ANO1: variants seen among roughly 807,000 people sequenced by gnomAD.
ANO1 encodes anoctamin-1.
Under a neutral mutation model 124.0 loss-of-function variants are expected in ANO1, and 59 were observed. That is an observed-to-expected ratio of 0.48 (90% confidence interval 0.39 to 0.59). The LOEUF (loss-of-function observed/expected upper bound fraction) is 0.59. ANO1 is among the 20% of genes least tolerant of loss of function. ANO1 has a pLI of 0.00. For synonymous variants in ANO1, 529 were observed against 532.0 expected, an observed-to-expected ratio of 0.99 and a Z score of 0.08; for missense variants, 1,059 against 1,328.0, an observed-to-expected ratio of 0.80 and a Z score of 3.15.
At chr11:70,173,307 G>A (rs10898827) in intron 22 of ANO1, among the ~76,000 whole-genome samples, 31,258 of 152,108 alleles carry the variant, frequency 0.21, 3,857 homozygotes, top group African/African-American at 0.35. Context: ...TCCTGGGTAA[G>A]AGGTCATGGC....
intron 1 of ANO1, among the ~76,000 whole-genome samples, chr11:70,039,367 C>T (rs1857145680): frequency 6.6e-6 from 1 of 152,150 alleles, no homozygotes; most frequent in African/African-American, 2.4e-5. Context: ...CAGATGAAGA[C>T]CAGGTATGCC....
intron 11 of ANO1, among the ~76,000 whole-genome samples, chr11:70,148,774 T>C (rs757236611): frequency 3.3e-5 from 5 of 152,202 alleles, no homozygotes; most frequent in Admixed American, 6.5e-5. Flanking sequence ...CCCAGGCACC[T>C]CTGGGAACTG....
intron 1 of ANO1, among the ~76,000 whole-genome samples, chr11:70,021,389 T>G (rs1856805439): frequency 6.6e-6 from 1 of 152,132 alleles, no homozygotes; most frequent in South Asian, 2.1e-4. Context: ...ACCTATACTT[T>G]TCACTCCCAC....
At chr11:70,085,506 C>G in intron 1 of ANO1, 1 of 1,536,114 alleles carries the variant, frequency 6.5e-7, no homozygotes, top group Non-Finnish European at 8.7e-7. Flanking sequence ...TTTCAGCCTC[C>G]TGCCGGCACC....
Position 70,140,635 on chromosome 11 carries a change from C to G in ANO1, c.1258+8556C>G, listed in dbSNP as rs1395413720. 2.6e-5 allele frequency among the ~76,000 whole-genome samples: 4 copies of G among 152,042 alleles called. No homozygotes were observed. The East Asian group carries it at 7.7e-4, about 29-fold the overall frequency. On this transcript the variant is annotated intron_variant, in intron 11 of 25. Transcript: ENST00000355303. ...AAAGTAAGAGGAGGACCGTGCCTAC[C>G]CTAGGTACAGTGCTTGTTTATGTAG...
At chr11:70,127,441 G>T (rs562269979) in intron 10 of ANO1, among the ~76,000 whole-genome samples, 2 of 152,310 alleles carry the variant, frequency 1.3e-5, no homozygotes, top group South Asian at 4.1e-4. Context: ...TTCACCAAGG[G>T]TATGTCAGAC....
At chr11:69,976,935 C>T in the ANO1 span, among the ~76,000 whole-genome samples, 13 of 152,318 alleles carry the variant, frequency 8.5e-5, no homozygotes, top group Non-Finnish European at 1.8e-4. Context: ...TTCATCCCCC[C>T]GGGAGATGGC....
At chr11:70,161,802 C>T (rs2048054367) in intron 18 of ANO1, 69 bp downstream of exon 18, 3 of 1,475,912 alleles carry the variant, frequency 2.0e-6, no homozygotes, top group Non-Finnish European at 2.8e-6. Context: ...TCCCTCCCCA[C>T]AGGTTGGGGG....
At chr11:70,080,623 C>T (rs1209460648) in intron 1 of ANO1, among the ~76,000 whole-genome samples, 2 of 152,190 alleles carry the variant, frequency 1.3e-5, no homozygotes, top group Non-Finnish European at 2.9e-5. Context: ...CATTGCTTAT[C>T]CAGACCCAGA....
intron 1 of ANO1, among the ~76,000 whole-genome samples, chr11:69,987,958 T>C (rs1856080142): frequency 6.6e-6 from 1 of 152,116 alleles, no homozygotes; most frequent in African/African-American, 2.4e-5. Flanking sequence ...CCGCTGCACC[T>C]CGGCTGTGTG....
intron 1 of ANO1, among the ~76,000 whole-genome samples, chr11:70,014,189 CT>C (rs1419764937): frequency 6.6e-6 from 1 of 152,062 alleles, no homozygotes; most frequent in Non-Finnish European, 1.5e-5. Flanking sequence ...CAATTCACTC[CT>C]TAGGAGCTCA....
intron 1 of ANO1, among the ~76,000 whole-genome samples, chr11:69,993,304 T>C (rs1591021056): frequency 6.6e-6 from 1 of 152,356 alleles, no homozygotes; most frequent in African/African-American, 2.4e-5. Context: ...AATGATTTTT[T>C]AATGCATTTA....
chr11:70,019,947 G>A (rs1436918282), intron 1 of ANO1, among the ~76,000 whole-genome samples: 1 of 152,246 alleles, frequency 6.6e-6, no homozygotes, highest in African/African-American at 2.4e-5. Context: ...GGGGCCGAGG[G>A]CCCCTGGCTC....
At chr11:69,992,040 G>T (rs975317968) in intron 1 of ANO1, among the ~76,000 whole-genome samples, 10 of 152,188 alleles carry the variant, frequency 6.6e-5, no homozygotes, top group Admixed American at 5.9e-4. Context: ...GATGGACTTG[G>T]TTTACTTGGT....
upstream of ANO1, among the ~76,000 whole-genome samples, chr11:69,981,841 G>A (rs781843701): frequency 6.6e-6 from 1 of 152,186 alleles, no homozygotes; most frequent in African/African-American, 2.4e-5. Flanking sequence ...CCAGACCATG[G>A]AATATTATTC....
intron 8 of ANO1, among the ~76,000 whole-genome samples, chr11:70,120,298 T>A (rs528543456): frequency 2.0e-5 from 3 of 152,084 alleles, no homozygotes; most frequent in Non-Finnish European, 4.4e-5. Context: ...GGGAGCCCCT[T>A]CCTCCAGGAC....
chr11:70,025,605 A>G (rs1462901892), intron 1 of ANO1, among the ~76,000 whole-genome samples: 1 of 147,982 alleles, frequency 6.8e-6, no homozygotes, highest in East Asian at 2.0e-4. Flanking sequence ...GATGATGATG[A>G]TAATGATGGT....
chr11:70,068,999 A>G (rs1857800842), intron 1 of ANO1, among the ~76,000 whole-genome samples: 1 of 152,214 alleles, frequency 6.6e-6, no homozygotes, highest in Non-Finnish European at 1.5e-5. Context: ...GCATCTACAA[A>G]GGCTGGGCTT....
At chr11:70,008,853 C>T (rs1314699191) in intron 1 of ANO1, among the ~76,000 whole-genome samples, 1 of 152,146 alleles carries the variant, frequency 6.6e-6, no homozygotes, top group Non-Finnish European at 1.5e-5. Context: ...TCCCTTCCCT[C>T]TTGTTGAGTG....
Sources: allele counts gnomAD v4.1 joint callset (sites outside exome capture counted in the v4.1 genomes callset), GRCh38; gene constraint gnomAD v4.1.1; transcripts MANE v1.5; gene names NCBI Gene and HGNC (gene_info 2026-07-23, HGNC 2026-07-21).